The following CNTNAP5 variants were observed in gnomAD, a reference collection of about 807,000 sequenced individuals.
CNTNAP5 encodes the protein contactin-associated protein-like 5.
In CNTNAP5, 72 loss-of-function variants were observed where a neutral mutation model predicts 150.2. The ratio of observed to expected loss-of-function variants is 0.48; its 90% confidence interval spans 0.40 to 0.58. The LOEUF (loss-of-function observed/expected upper bound fraction) is 0.58. Ranked by LOEUF, CNTNAP5 falls within the 20% of genes least tolerant of loss-of-function variation. The probability of loss-of-function intolerance (pLI) is 0.00; values close to 1 mark genes in which losing one functional copy is unlikely to be tolerated. For synonymous variants in CNTNAP5, 672 were observed against 619.8 expected (o/e 1.08, Z -1.25); for missense variants, 1,636 against 1,626.2 (o/e 1.01, Z -0.10).
At chr2:124,202,513 C>A (rs1685752653) in intron 1 of CNTNAP5, among the ~76,000 whole-genome samples, 1 of 152,136 alleles carries the variant, frequency 6.6e-6, no homozygotes, top group Non-Finnish European at 1.5e-5. Flanking sequence ...CAGGACGGGG[C>A]CAACTTCAGG....
chr2:124,142,652 A>T (rs1180266742), intron 1 of CNTNAP5, among the ~76,000 whole-genome samples: 11 of 133,318 alleles, frequency 8.3e-5, no homozygotes, highest in African/African-American at 3.2e-4. Context: ...GTGTAGAGGG[A>T]AATTTATAGC....
intron 1 of CNTNAP5, among the ~76,000 whole-genome samples, chr2:124,210,041 G>T (rs559210655): frequency 6.6e-6 from 1 of 152,260 alleles, no homozygotes; most frequent in Admixed American, 6.5e-5. Context: ...ATCATGAAGG[G>T]ATATATAGAA....
chr2:124,578,893 T>C (rs933604723), intron 11 of CNTNAP5, among the ~76,000 whole-genome samples: 1 of 152,230 alleles, frequency 6.6e-6, no homozygotes, highest in African/African-American at 2.4e-5. Context: ...TGACACTCTT[T>C]GTTTTTCAAT....
chr2:124,553,974 C>T (rs1009395714), intron 10 of CNTNAP5, among the ~76,000 whole-genome samples: 1 of 152,158 alleles, frequency 6.6e-6, no homozygotes, highest in East Asian at 1.9e-4. Context: ...TGGGAGTGTT[C>T]TGGTGCCTGC....
At chr2:124,277,405 C>A (rs1383093243) in intron 3 of CNTNAP5, among the ~76,000 whole-genome samples, 3 of 152,060 alleles carry the variant, frequency 2.0e-5, no homozygotes, top group African/African-American at 7.2e-5. Flanking sequence ...CTATAAACAG[C>A]AAGTCCTGGT....
intron 1 of CNTNAP5, among the ~76,000 whole-genome samples, chr2:124,159,108 A>G (rs2104646175): frequency 6.6e-6 from 1 of 152,318 alleles, no homozygotes; most frequent in East Asian, 1.9e-4. Flanking sequence ...AATTGCCTTT[A>G]TTGTTGACAT....
At chr2:124,062,034 T>C (rs552613375) in intron 1 of CNTNAP5, among the ~76,000 whole-genome samples, 3 of 147,216 alleles carry the variant, frequency 2.0e-5, no homozygotes, top group Non-Finnish European at 4.5e-5. Context: ...TTGGGCTGTT[T>C]CCACAGCCTC....
At chr2:124,183,575 A>C (rs367993546) in intron 1 of CNTNAP5, among the ~76,000 whole-genome samples, 3 of 152,238 alleles carry the variant, frequency 2.0e-5, no homozygotes, top group East Asian at 1.9e-4. Flanking sequence ...TAATCAATCC[A>C]ATCGAACAGT....
intron 13 of CNTNAP5, among the ~76,000 whole-genome samples, chr2:124,713,248 TC>T (rs879321856): frequency 0.019 from 1,888 of 98,608 alleles, 260 homozygotes; most frequent in East Asian, 0.028. Flanking sequence ...TCTTTCTCTT[TC>T]TTTCTTTCTT....
chr2:124,876,252 A>T (rs1284275752), intron 21 of CNTNAP5, among the ~76,000 whole-genome samples: 4 of 152,076 alleles, frequency 2.6e-5, no homozygotes, highest in African/African-American at 9.7e-5. Context: ...GGTGATTGGG[A>T]TCTACTGCAT....
chr2:124,222,006 T>C (rs1185407469), intron 2 of CNTNAP5, among the ~76,000 whole-genome samples, 197 bp downstream of exon 2: 1 of 152,148 alleles, frequency 6.6e-6, no homozygotes, highest in Non-Finnish European at 1.5e-5. Flanking sequence ...TGCTGACTTG[T>C]GTTCACCCAA....
At chr2:124,562,841 C>A (rs1695925990) in intron 10 of CNTNAP5, among the ~76,000 whole-genome samples, 1 of 151,384 alleles carries the variant, frequency 6.6e-6, no homozygotes, top group South Asian at 2.1e-4. Flanking sequence ...TTTAAAAATA[C>A]AAAACCATTA....
chr2:124,754,108 CG>C (rs970169021), intron 14 of CNTNAP5, among the ~76,000 whole-genome samples: 132 of 152,156 alleles, frequency 8.7e-4, no homozygotes, highest in African/African-American at 3.1e-3. Context: ...AGAACTCTTT[CG>C]GTTTCCTCAA....
intron 1 of CNTNAP5, among the ~76,000 whole-genome samples, chr2:124,074,274 T>C (rs1444112489): frequency 6.6e-6 from 1 of 152,094 alleles, no homozygotes; most frequent in African/African-American, 2.4e-5. Context: ...ACCTAGTATT[T>C]GGCAGTATAA....
At chr2:124,378,086 A>T (rs1347936656) in intron 3 of CNTNAP5, among the ~76,000 whole-genome samples, 1 of 152,068 alleles carries the variant, frequency 6.6e-6, no homozygotes, top group Non-Finnish European at 1.5e-5. Flanking sequence ...GATTTTGTTA[A>T]TAGGGACTGA....
chr2:124,128,787 C>T (rs568277639), intron 1 of CNTNAP5, among the ~76,000 whole-genome samples: 1 of 152,278 alleles, frequency 6.6e-6, no homozygotes, highest in South Asian at 2.1e-4. Flanking sequence ...TGGAAACCAT[C>T]ATTCTGAGCA....
chr2:124,340,758 A>T (rs192748176), intron 3 of CNTNAP5, among the ~76,000 whole-genome samples: 23 of 150,818 alleles, frequency 1.5e-4, no homozygotes, highest in Non-Finnish European at 3.2e-4. Flanking sequence ...GTCTCTACCA[A>T]AAACAAACAA....
At chr2:124,407,408 C>G (rs908375521) in intron 3 of CNTNAP5, among the ~76,000 whole-genome samples, 2 of 152,072 alleles carry the variant, frequency 1.3e-5, no homozygotes, top group African/African-American at 4.8e-5. Context: ...AAAGCTTCCT[C>G]TCTTCTTTCT....
chr2:124,397,437 T>C (rs1691280213), intron 3 of CNTNAP5, among the ~76,000 whole-genome samples: 1 of 152,118 alleles, frequency 6.6e-6, no homozygotes, highest in Admixed American at 6.5e-5. Flanking sequence ...TTTCTATTCT[T>C]AGAAAGGCAC....
Sources: allele counts gnomAD v4.1 joint callset (sites outside exome capture counted in the v4.1 genomes callset), GRCh38; gene constraint gnomAD v4.1.1; transcripts MANE v1.5; gene names NCBI Gene and HGNC (gene_info 2026-07-23, HGNC 2026-07-21).